Variants in MED13L observed in about 807,000 individuals in gnomAD.
MED13L encodes mediator complex subunit 13L, also known as mediator of RNA polymerase II transcription subunit 13-like.
A neutral mutation model predicts 220.9 loss-of-function variants in MED13L; 7 were observed. That is an observed-to-expected ratio of 0.03 (90% CI 0.02 to 0.06). The LOEUF is 0.06. Ranked by LOEUF, MED13L falls within the 10% of genes least tolerant of loss-of-function variation. The pLI is 1.00. For synonymous variants in MED13L, 1,011 were observed against 1,015.2 expected, an observed-to-expected ratio of 1.00 and a Z score of 0.08; for missense variants, 1,965 against 2,760.5, an observed-to-expected ratio of 0.71 and a Z score of 6.46.
intron 2 of MED13L, among the ~76,000 whole-genome samples, chr12:116,116,465 C>T (rs1874528627): frequency 6.6e-6 from 1 of 152,120 alleles, no homozygotes; most frequent in Non-Finnish European, 1.5e-5. Context: ...CTCTACATAA[C>T]CTGCCCTATG....
chr12:116,041,024 C>T (rs959340721), intron 4 of MED13L, among the ~76,000 whole-genome samples: 1 of 152,076 alleles, frequency 6.6e-6, no homozygotes, highest in African/African-American at 2.4e-5. Flanking sequence ...CTAATGAACA[C>T]GTGCTCCATA....
intron 2 of MED13L, among the ~76,000 whole-genome samples, chr12:116,124,739 T>C (rs186419039): frequency 6.6e-6 from 1 of 152,272 alleles, no homozygotes; most frequent in East Asian, 1.9e-4. Flanking sequence ...TAATTTAAAT[T>C]AGAAAAAAGT....
At chr12:116,232,183 T>C (rs911489519) in intron 2 of MED13L, 35 of 964,110 alleles carry the variant, frequency 3.6e-5, no homozygotes, top group African/African-American at 5.3e-5. Flanking sequence ...GCAATATTTA[T>C]GTCTCTAAAT....
At chr12:116,145,697 A>ATTTATTTATTTGTTTG (rs34084324) in intron 2 of MED13L, among the ~76,000 whole-genome samples, 11 of 146,960 alleles carry the variant, frequency 7.5e-5, no homozygotes, top group East Asian at 4.0e-4. Flanking sequence ...TTATTTATTT[A>ATTTATTTATTTGTTTG]TTTATTTTAA....
chr12:116,077,238 C>T (rs977605046), intron 4 of MED13L, among the ~76,000 whole-genome samples: 1 of 152,198 alleles, frequency 6.6e-6, no homozygotes, highest in Non-Finnish European at 1.5e-5. Flanking sequence ...CCTCTAATGG[C>T]TTTAAATGCT....
intron 2 of MED13L, among the ~76,000 whole-genome samples, chr12:116,171,809 C>G (rs554435976): frequency 2.0e-5 from 3 of 152,288 alleles, no homozygotes; most frequent in South Asian, 2.1e-4. Context: ...CTATTTCCCC[C>G]TTCAATATCT....
chr12:116,175,389 C>A (rs1879973588), intron 2 of MED13L, among the ~76,000 whole-genome samples: 2 of 152,088 alleles, frequency 1.3e-5, no homozygotes, highest in South Asian at 4.1e-4. Context: ...TAAAAACATT[C>A]TTAAAAAGCT....
At chr12:116,040,863 T>C (rs1048871638) in intron 4 of MED13L, among the ~76,000 whole-genome samples, 1 of 150,918 alleles carries the variant, frequency 6.6e-6, no homozygotes, top group Non-Finnish European at 1.5e-5. Flanking sequence ...GATTGGCAAA[T>C]CAAGCAAAAG....
At chr12:116,161,276 G>A (rs924071022) in intron 2 of MED13L, among the ~76,000 whole-genome samples, 5 of 152,130 alleles carry the variant, frequency 3.3e-5, no homozygotes, top group Admixed American at 6.5e-5. Context: ...ATCAGTGGAC[G>A]TGCACTGACC....
rs560724184 is a variant in MED13L, at chr12:116,007,600, C to A, written c.2049G>T (p.Trp683Cys). The A allele has an allele frequency of 1.1e-5, 17 of 1,599,058 alleles. No individual in the cohort carries two copies. The African/African-American group carries it at 2.1e-4, about 20-fold the overall frequency. The change falls in exon 11 of 31, where the codon TGG (tryptophan) becomes TGT (cysteine). Residue 683 changes from tryptophan to cysteine, a missense_variant. By Grantham distance (215) the Trp-to-Cys change is radical (BLOSUM62 -2). Coordinates refer to ENST00000281928, the MANE Select transcript of MED13L (RefSeq NM_015335.5). ...LAQPNKRFKI[W>C]QDKQPQLQPL... is the part of the protein sequence containing the mutation. ...GCTGCAACTGGGGCTGTTTGTCTTG[C>A]CAGATTTTAAACCGTTTGTTAGGTT...
chr12:115,996,547 T>C lies in MED13L; in HGVS notation c.2925A>G (p.Ser975=), dbSNP rs371364463. 19 of 1,614,072 alleles carry C rather than the reference T, an allele frequency of 1.2e-5. No individual in the cohort carries two copies. The highest frequency in any genetic ancestry group is 1.5e-5 in the Non-Finnish European group (18 of 1,180,038). ...KIPDACLFRP[S]WAIPPKIEQL... is the part of the protein sequence containing the mutation. ...GTTCAATTTTAGGAGGAATTGCCCA[T>C]GAAGGCCGAAACAGACAGGCATCAG... is the stretch of plus-strand genomic sequence containing the variant. Residue 975 remains serine (S), a synonymous_variant, in exon 16 of 31, where the codon TCA becomes TCG. Coordinates refer to ENST00000281928, the MANE Select transcript of MED13L (RefSeq NM_015335.5).
intron 2 of MED13L, among the ~76,000 whole-genome samples, chr12:116,221,135 G>A (rs981315911): frequency 1.3e-5 from 2 of 152,088 alleles, no homozygotes; most frequent in Non-Finnish European, 1.5e-5. Context: ...AACGCTTTGG[G>A]AGGCTGAGGC....
At chr12:116,085,361 A>G (rs201306856) in intron 4 of MED13L, among the ~76,000 whole-genome samples, 5 of 152,338 alleles carry the variant, frequency 3.3e-5, no homozygotes, top group Middle Eastern at 3.4e-3. Context: ...ACCAATAATT[A>G]TAAGAATCAA....
chr12:115,981,030 A>G (rs1174605222), intron 22 of MED13L, 92 bp from the exon 23 acceptor site: 1 of 1,071,062 alleles, frequency 9.3e-7, no homozygotes, highest in African/African-American at 1.6e-5. Flanking sequence ...AGGAAACGGC[A>G]TGAATTCCTT....
chr12:116,274,625 AT>A (rs1873664394), intron 1 of MED13L, among the ~76,000 whole-genome samples: 1 of 151,762 alleles, frequency 6.6e-6, no homozygotes, highest in South Asian at 2.1e-4. Flanking sequence ...AAAAAAAAAA[AT>A]CTCAATTTGG....
intron 3 of MED13L, among the ~76,000 whole-genome samples, chr12:116,100,433 T>C (rs1283670231): frequency 1.3e-5 from 2 of 151,478 alleles, no homozygotes; most frequent in East Asian, 3.9e-4. Context: ...GCCCCGTCTC[T>C]ACTAAAAATA....
chr12:116,191,525 T>A (rs2138267756), intron 2 of MED13L, among the ~76,000 whole-genome samples: 1 of 152,064 alleles, frequency 6.6e-6, no homozygotes, highest in South Asian at 2.1e-4. Flanking sequence ...AGATGGGGTT[T>A]CACCATGTTG....
At chr12:115,995,399 G>C (rs192280086) in intron 16 of MED13L, among the ~76,000 whole-genome samples, 42 of 152,158 alleles carry the variant, frequency 2.8e-4, no homozygotes, top group African/African-American at 9.6e-4. Flanking sequence ...TTCATCACAG[G>C]GAAAACTGAT....
chr12:116,066,195 A>G (rs942095737), intron 4 of MED13L, among the ~76,000 whole-genome samples: 1 of 152,232 alleles, frequency 6.6e-6, no homozygotes, highest in African/African-American at 2.4e-5. Context: ...AGTGAAAAGC[A>G]TGCGCACTCT....
Sources: allele counts gnomAD v4.1 joint callset (sites outside exome capture counted in the v4.1 genomes callset), GRCh38; gene constraint gnomAD v4.1.1; transcripts MANE v1.5; gene names NCBI Gene and HGNC (gene_info 2026-07-23, HGNC 2026-07-21).